The following IQSEC1 variants were observed in gnomAD, a reference collection of about 807,000 sequenced individuals.
IQSEC1 encodes IQ motif and SEC7 domain-containing protein 1.
IQSEC1 carries 31 observed loss-of-function variants against 91.0 expected under a neutral mutation model. That is an observed-to-expected ratio of 0.34 (90% CI 0.26 to 0.46). IQSEC1 has a LOEUF of 0.46. IQSEC1 is among the 20% of genes least tolerant of loss of function. The probability of loss-of-function intolerance (pLI) is 1.00; values close to 1 mark genes in which losing one functional copy is unlikely to be tolerated. For missense variants in IQSEC1, 1,388 were observed against 1,575.6 expected, an observed-to-expected ratio of 0.88 and a Z score of 2.02; for synonymous variants, 699 against 662.6, an observed-to-expected ratio of 1.05 and a Z score of -0.84.
At chr3:13,020,457 C>T (rs981745539) in intron 1 of IQSEC1, among the ~76,000 whole-genome samples, 1 of 152,216 alleles carries the variant, frequency 6.6e-6, no homozygotes, top group Non-Finnish European at 1.5e-5. Context: ...CACCCAGCAG[C>T]AGAGACAACT....
At chr3:13,052,825 A>G (rs1232593082) in intron 1 of IQSEC1, 11 of 615,440 alleles carry the variant, frequency 1.8e-5, no homozygotes, top group South Asian at 7.4e-5. Context: ...CAACGCGTTC[A>G]TAACATATTC....
intron 1 of IQSEC1, among the ~76,000 whole-genome samples, chr3:12,953,283 C>T (rs1576027709): frequency 6.6e-6 from 1 of 152,344 alleles, no homozygotes; most frequent in East Asian, 1.9e-4. Context: ...GCCGGGGCAG[C>T]CCGACCCGAT....
intron 2 of IQSEC1, among the ~76,000 whole-genome samples, chr3:13,124,921 C>T (rs893779708): frequency 2.0e-5 from 3 of 152,176 alleles, no homozygotes; most frequent in African/African-American, 4.8e-5. Flanking sequence ...TCACCACCTC[C>T]GTGCCACCAT....
intron 1 of IQSEC1, among the ~76,000 whole-genome samples, chr3:13,176,449 G>A (rs992454991): frequency 1.3e-5 from 2 of 152,200 alleles, no homozygotes; most frequent in Admixed American, 1.3e-4. Context: ...ACCCTTGGGA[G>A]CCTCTGCTCC....
At chr3:13,218,929 A>C (rs925177537) in intron 1 of IQSEC1, among the ~76,000 whole-genome samples, 9 of 151,984 alleles carry the variant, frequency 5.9e-5, no homozygotes, top group African/African-American at 2.2e-4. Context: ...ATCACCCATA[A>C]TGCCTCCTTT....
intron 1 of IQSEC1, among the ~76,000 whole-genome samples, chr3:13,213,655 A>G (rs1428202362): frequency 1.3e-5 from 2 of 152,172 alleles, no homozygotes; most frequent in South Asian, 4.1e-4. Flanking sequence ...GCTGAAATCC[A>G]AACAATCCAC....
chr3:13,061,115 G>A (rs953771946), intron 1 of IQSEC1, among the ~76,000 whole-genome samples: 1 of 152,166 alleles, frequency 6.6e-6, no homozygotes, highest in South Asian at 2.1e-4. Context: ...TCCCTGAGAA[G>A]TTGCTCTTGC....
chr3:13,201,093 C>A (rs955233820), intron 1 of IQSEC1, among the ~76,000 whole-genome samples: 1 of 152,200 alleles, frequency 6.6e-6, no homozygotes, highest in Non-Finnish European at 1.5e-5. Flanking sequence ...TTACTCCGCA[C>A]AACAAATGCG....
rs1702042876 is a variant in IQSEC1 at position 12,992,687 on chromosome 3, A to G, written c.24-50822T>C. On this transcript the variant is annotated intron_variant, in intron 1 of 13. Coordinates refer to ENST00000613206, the MANE Select transcript of IQSEC1 (RefSeq NM_001134382.3). The surrounding 1 kb of genome is among the most constrained non-coding windows in gnomAD (Gnocchi z 4.1). ...ACCACAGATCACTGGGCATGCTCAG[A>G]GCAACACTCACAAAGCTGACCAGGC... Among the ~76,000 whole-genome samples, 1 of 152,180 alleles carries G rather than the reference A, an allele frequency of 6.6e-6. No homozygotes were observed. The highest frequency in any genetic ancestry group is 1.5e-5 in the Non-Finnish European group (1 of 68,032).
rs118109116 is a variant in IQSEC1 at position 12,945,078 on chromosome 3, G to A, written c.24-3213C>T. On this transcript the variant is annotated intron_variant, in intron 1 of 13. Coordinates refer to ENST00000613206, the MANE Select transcript of IQSEC1 (RefSeq NM_001134382.3). ...GGGGCCTTTGTTCCCAGTTGGCCGC[G>A]GTGTGGGGCAGAGGGGGTTGGGGAA... 3.4e-3 allele frequency among the ~76,000 whole-genome samples: 512 copies of A among 152,324 alleles called. 4 individuals are homozygous for A. The highest frequency in any genetic ancestry group is 0.032 in the East Asian group (168 of 5,174).
At chr3:13,162,055 G>C (rs1360857454) in intron 2 of IQSEC1, among the ~76,000 whole-genome samples, 1 of 152,202 alleles carries the variant, frequency 6.6e-6, no homozygotes, top group Admixed American at 6.5e-5. Context: ...ATCCGCTGGA[G>C]TGAACACCAG....
chr3:13,128,858 C>CA (rs1706561271), intron 2 of IQSEC1, among the ~76,000 whole-genome samples: 1 of 116,376 alleles, frequency 8.6e-6, no homozygotes, highest in African/African-American at 3.5e-5. Flanking sequence ...GCCCGGGTGA[C>CA]AGAGCAAGAC....
At chr3:13,229,327 A>G (rs895752) in intron 1 of IQSEC1, among the ~76,000 whole-genome samples, 99,404 of 152,160 alleles carry the variant, frequency 0.65, 33,144 homozygotes, top group East Asian at 0.86. Flanking sequence ...GGCCTATAAC[A>G]GCTACTGCAT....
At chr3:12,957,466 T>G (rs1699982481) in intron 1 of IQSEC1, among the ~76,000 whole-genome samples, 1 of 152,180 alleles carries the variant, frequency 6.6e-6, no homozygotes, top group South Asian at 2.1e-4. Flanking sequence ...TGAGCCAAAT[T>G]AAATACAGAG....
At chr3:12,941,116 G>A (rs1698708339) in intron 2 of IQSEC1, among the ~76,000 whole-genome samples, 1 of 152,216 alleles carries the variant, frequency 6.6e-6, no homozygotes, top group African/African-American at 2.4e-5. Flanking sequence ...TCTTTCCAGA[G>A]CTTGTGATAT....
At chr3:12,964,299 T>TACACACACACACACACACAC (rs3072719) in intron 1 of IQSEC1, among the ~76,000 whole-genome samples, 8 of 149,908 alleles carry the variant, frequency 5.3e-5, no homozygotes, top group African/African-American at 1.2e-4. Context: ...ATACTCCCCC[T>TACACACACACACACACACAC]ACACACACAC....
intron 1 of IQSEC1, among the ~76,000 whole-genome samples, chr3:13,277,185 T>G (rs926789320): frequency 8.1e-6 from 1 of 123,416 alleles, no homozygotes; most frequent in Non-Finnish European, 1.6e-5. Flanking sequence ...AACAATGTCA[T>G]AGACAAAACA....
intron 1 of IQSEC1, among the ~76,000 whole-genome samples, chr3:13,242,293 C>T (rs1695033790): frequency 6.6e-6 from 1 of 152,188 alleles, no homozygotes; most frequent in East Asian, 1.9e-4. Context: ...TACAGAATAT[C>T]AGTGACAGCT....
At chr3:13,132,118 C>A (rs1220861174) in intron 2 of IQSEC1, among the ~76,000 whole-genome samples, 1 of 152,116 alleles carries the variant, frequency 6.6e-6, no homozygotes, top group Non-Finnish European at 1.5e-5. Context: ...TTTTTGTATT[C>A]CTCTAAATCT....
Sources: gnomAD v4.1 joint callset for allele counts (sites outside exome capture counted in the v4.1 genomes callset) on GRCh38, gnomAD v4.1.1 for gene constraint, Gnocchi (gnomAD v3.1) non-coding constraint, MANE v1.5 for transcripts, NCBI Gene and HGNC (gene_info 2026-07-23, HGNC 2026-07-21) for gene names.